PRPF8: variants seen among roughly 807,000 people sequenced by gnomAD.
PRPF8 encodes the protein pre-mRNA-processing-splicing factor 8.
A neutral mutation model predicts 285.9 loss-of-function variants in PRPF8; 64 were observed. The observed-to-expected ratio is 0.22, with a 90% CI of 0.18 to 0.28. PRPF8 has a LOEUF of 0.28. Among genes scored for constraint, PRPF8 ranks in the 10% least tolerant of loss-of-function variants. The pLI is 1.00. For synonymous variants in PRPF8, 1,325 were observed against 1,118.2 expected (o/e 1.18, Z -3.69); for missense variants, 1,426 against 3,026.7 (o/e 0.47, Z 12.41).
chr17:1,679,311 G>C lies in PRPF8; in HGVS notation c.1389C>G (p.Pro463=), dbSNP rs763898101. Residue 463 remains proline (P), a synonymous_variant, in exon 10 of 43, where the codon CCC becomes CCG. Transcript: ENST00000304992. The surrounding 1 kb of genome is among the most constrained non-coding windows in gnomAD (Gnocchi z 4.7). ...CTTACCTCTTCTTTTGAGCCTTAGGGGGCCGATGCTTCAGGGCATTCAGCA... is the reference window on the plus strand; with the variant it reads ...CTTACCTCTTCTTTTGAGCCTTAGGCGGCCGATGCTTCAGGGCATTCAGCA... ...YYVLNALKHR[P]PKAQKKRYLF... is the part of the protein sequence containing the mutation. 2 of 1,614,118 alleles carry C rather than the reference G, an allele frequency of 1.2e-6. No homozygotes were observed. Among genetic ancestry groups the C allele is most frequent in the Non-Finnish European group, 1.7e-6 (2 of 1,180,024 alleles).
Position 1,679,548 on chromosome 17 carries a change from G to C in PRPF8, c.1289+61C>G. ...AAAAAAAAGGCTACATGCCCACCTA[G>C]TTGGAGTCTTTTCTCCTACACATCC... On this transcript the variant is annotated intron_variant, in intron 9 of 42. Coordinates refer to ENST00000304992, the MANE Select transcript of PRPF8 (RefSeq NM_006445.4). This position sits in a 1 kb window ranked among gnomAD's most constrained non-coding sequence, Gnocchi z 4.7. 1.9e-6 allele frequency: 3 copies of C among 1,603,826 alleles called. No individual in the cohort carries two copies. The highest frequency in any genetic ancestry group is 2.6e-6 in the Non-Finnish European group (3 of 1,176,210).
intron 24 of PRPF8, among the ~76,000 whole-genome samples, chr17:1,671,559 T>C (rs1271273209): frequency 6.6e-6 from 1 of 152,026 alleles, no homozygotes; most frequent in African/African-American, 2.4e-5. Context: ...CTACAAAAAA[T>C]TTAAAAATCA....
chr17:1,666,846 C>T (rs1288572516), intron 24 of PRPF8, among the ~76,000 whole-genome samples: 1 of 152,030 alleles, frequency 6.6e-6, no homozygotes, highest in Non-Finnish European at 1.5e-5. Flanking sequence ...GAGCATCTCG[C>T]ATGTCCACAG....
rs1912542427 is a variant in PRPF8 at position 1,675,062 on chromosome 17, C to T, written c.3060+90G>A. 8 of 1,497,542 alleles carry T rather than the reference C, an allele frequency of 5.3e-6. No individual in the cohort carries two copies. Among genetic ancestry groups the T allele is most frequent in the South Asian group, 3.4e-5 (3 of 87,496 alleles). The allele number at this position is 1,497,542 out of a possible 1,614,324, so 92.8% of individuals were successfully genotyped here. A position where few individuals can be genotyped will look rare whatever the true frequency, so the allele number is the denominator to read the frequency against. ...TGCTGGGATTACAGGCATGAGCCACCGCACCCAGCCTCCTCCTCAGCAAAT... is the reference window on the plus strand; with the variant it reads ...TGCTGGGATTACAGGCATGAGCCACTGCACCCAGCCTCCTCCTCAGCAAAT... On this transcript the variant is annotated intron_variant, in intron 20 of 42. Transcript: ENST00000304992. This position sits in a 1 kb window ranked among gnomAD's most constrained non-coding sequence, Gnocchi z 6.0.
rs1911571670 is a variant in PRPF8, at chr17:1,659,467, A to G, written c.5028T>C (p.Ile1676=). The change falls in exon 32 of 43, where the codon ATT becomes ATC. Residue 1676 remains isoleucine (I), a synonymous_variant. Coordinates refer to ENST00000304992, the MANE Select transcript of PRPF8 (RefSeq NM_006445.4). This position sits in a 1 kb window ranked among gnomAD's most constrained non-coding sequence, Gnocchi z 5.1. ...LRWGDYDSHD[I]ERYARAKFLD... ...GGAACTTGGCCCGGGCGTAGCGCTC[A>G]ATGTCGTGGGAATCATAGTCCCCCC... 6.2e-7 allele frequency: 1 copy of G among 1,613,898 alleles called. No individual in the cohort carries two copies. The highest frequency in any genetic ancestry group is 8.5e-7 in the Non-Finnish European group (1 of 1,180,026).
chr17:1,670,842 T>C (rs1912273510), intron 24 of PRPF8, among the ~76,000 whole-genome samples: 5 of 151,880 alleles, frequency 3.3e-5, no homozygotes, highest in Admixed American at 3.3e-4. Flanking sequence ...TGGTCTCCCA[T>C]CCTATCCTTT....
In PRPF8 at chr17:1,679,192, G is replaced by A; in HGVS notation, c.1424C>T (p.Ser475Phe). 6.2e-7 allele frequency: 1 copy of A among 1,614,222 alleles called. No individual in the cohort carries two copies. Residue 475 changes from serine (S) to phenylalanine (F), a missense_variant, in exon 11 of 43, where the codon TCC becomes TTC. This residue lies in a region of PRPF8 where 137 missense variants were observed against 161.2 expected (regional missense o/e 0.85). Transcript: ENST00000304992. The surrounding 1 kb of genome is among the most constrained non-coding windows in gnomAD (Gnocchi z 4.7). The part of the protein sequence containing the change: ...KAQKKRYLFR[S>F]FKATKFFQST... ...CTGAAAGAATTTGGTGGCTTTGAAG[G>A]AGCGGAACAAATACCTGAGGTGGGA... is the stretch of plus-strand genomic sequence containing the variant.
In PRPF8 at chr17:1,684,623, C is replaced by A. The variant is rs761158613; in HGVS notation, c.-11-41G>T. 2.5e-6 allele frequency: 4 copies of A among 1,589,606 alleles called. No individual in the cohort carries two copies. In the African/African-American group the frequency reaches 5.4e-5, roughly 21 times the overall value. ...ATAGAAAAATTCACTAACCACAGGCCCGGGCCCACAAGAAGCGCAGCAGAA... is the reference window on the plus strand; with the variant it reads ...ATAGAAAAATTCACTAACCACAGGCACGGGCCCACAAGAAGCGCAGCAGAA... On this transcript the variant is annotated intron_variant, in intron 1 of 42. Coordinates refer to ENST00000304992, the MANE Select transcript of PRPF8 (RefSeq NM_006445.4).
intron 34 of PRPF8, 108 bp from the exon 35 acceptor site, chr17:1,656,869 CTGATGT>C: frequency 9.8e-7 from 1 of 1,019,932 alleles, no homozygotes; most frequent in South Asian, 1.4e-5. Flanking sequence ...CTATTGAACA[CTGATGT>C]TAAATGTTAG....
At chr17:1,657,538 C>T (rs371970576) in intron 34 of PRPF8, among the ~76,000 whole-genome samples, 5 of 147,726 alleles carry the variant, frequency 3.4e-5, no homozygotes, top group Admixed American at 2.1e-4. Context: ...CCCAGCTACT[C>T]GGGAGGCTGA....
At chr17:1,654,957 T>G in intron 37 of PRPF8, 1 of 206,198 alleles carries the variant, frequency 4.8e-6, no homozygotes, top group South Asian at 6.7e-5. Context: ...TTGAGAAACG[T>G]CTTTTTTTTT....
intron 36 of PRPF8, 25 bp downstream of exon 36, chr17:1,656,367 G>A (rs1223936047): frequency 6.8e-6 from 11 of 1,613,926 alleles, no homozygotes; most frequent in South Asian, 1.1e-5. Context: ...CTCCTCCAGC[G>A]ATCTTCTCTT....
At position 1,659,234 on chromosome 17, in the gene PRPF8, C is replaced by T. The variant is rs1252633936; in HGVS notation, c.5138+123G>A. 1.4e-5 allele frequency: 16 copies of T among 1,135,334 alleles called. No individual in the cohort carries two copies. The highest frequency in any genetic ancestry group is 2.1e-5 in the Non-Finnish European group (16 of 761,492). The allele number at this position is 1,135,334 out of a possible 1,614,324, so 70.3% of individuals were successfully genotyped here. On this transcript the variant is annotated intron_variant, in intron 32 of 42. Transcript: ENST00000304992. This position sits in a 1 kb window ranked among gnomAD's most constrained non-coding sequence, Gnocchi z 5.1. ...AGAGACAGGGTTTCACCATGTTGCC[C>T]AGACTGGTCTCAAACTCCTGAGCTC...
intron 24 of PRPF8, among the ~76,000 whole-genome samples, chr17:1,670,201 A>C (rs1481744590): frequency 3.3e-5 from 5 of 152,208 alleles, no homozygotes; most frequent in African/African-American, 1.2e-4. Flanking sequence ...AGGTATAAAT[A>C]AATACCTGGG....
At chr17:1,665,917 T>C (rs904024799) in intron 24 of PRPF8, among the ~76,000 whole-genome samples, 1 of 150,556 alleles carries the variant, frequency 6.6e-6, no homozygotes, top group Non-Finnish European at 1.5e-5. Flanking sequence ...TCCCAACACT[T>C]TGGGAGGCCG....
chr17:1,656,666 G>A lies in PRPF8; in HGVS notation c.5601C>T (p.Gly1867=). The A allele has an allele frequency of 1.2e-6, 2 of 1,614,088 alleles. No individual in the cohort carries two copies. The highest frequency in any genetic ancestry group is 1.7e-6 in the Non-Finnish European group (2 of 1,180,004). The part of the protein sequence containing the change: ...QPKQIIVTRK[G]MLDPLEVHLL... ...CTCTTACCTCCAGTGGGTCCAGCATGCCCTTCCTGGTGACAATGATCTGCT... is the reference window on the plus strand; with the variant it reads ...CTCTTACCTCCAGTGGGTCCAGCATACCCTTCCTGGTGACAATGATCTGCT... The change falls in exon 35 of 43, where the codon GGC becomes GGT. Residue 1867 remains glycine, a synonymous_variant. Coordinates refer to ENST00000304992, the MANE Select transcript of PRPF8 (RefSeq NM_006445.4).
In PRPF8 at chr17:1,651,073, T is replaced by C. The variant is rs1399270947; in HGVS notation, c.6853+35A>G. ...GGCGATGGCCTCACCTTATCCCTAC[T>C]GCTATCCCCACATCCCCAGGCTCCT... On this transcript the variant is annotated intron_variant, in intron 42 of 42. Coordinates refer to ENST00000304992, the MANE Select transcript of PRPF8 (RefSeq NM_006445.4). This position sits in a 1 kb window ranked among gnomAD's most constrained non-coding sequence, Gnocchi z 5.1. 1 of 1,613,756 alleles carries C rather than the reference T, an allele frequency of 6.2e-7. No homozygotes were observed. The highest frequency in any genetic ancestry group is 1.3e-5 in the African/African-American group (1 of 74,902).
At chr17:1,666,165 CAA>C (rs60402650) in intron 24 of PRPF8, among the ~76,000 whole-genome samples, 14 of 121,262 alleles carry the variant, frequency 1.2e-4, no homozygotes, top group East Asian at 2.4e-4. Flanking sequence ...GACTCTGTCT[CAA>C]AAAAAAAAAA....
intron 2 of PRPF8, among the ~76,000 whole-genome samples, chr17:1,684,258 G>A (rs115240439): frequency 1.8e-3 from 276 of 152,276 alleles, no homozygotes; most frequent in African/African-American, 6.2e-3. Context: ...AACCCCGTAA[G>A]GACAGGAATT....
Sources: allele counts gnomAD v4.1 joint callset (sites outside exome capture counted in the v4.1 genomes callset), GRCh38; gene constraint gnomAD v4.1.1; regional missense constraint gnomAD v4.1.1; non-coding constraint Gnocchi (gnomAD v3.1); transcripts MANE v1.5; gene names NCBI Gene and HGNC (gene_info 2026-07-23, HGNC 2026-07-21).